The following AMZ1 variants were observed in gnomAD, a reference collection of about 807,000 sequenced individuals.
AMZ1 encodes the protein archaemetzincin-1.
In AMZ1, 39 loss-of-function variants were observed where a neutral mutation model predicts 29.9. The observed-to-expected ratio is 1.30, with a 90% CI of 1.01 to 1.70. The LOEUF is 1.70. Among genes scored for constraint, AMZ1 ranks in the 40% most tolerant of loss-of-function variants. The pLI, the probability that AMZ1 is intolerant of heterozygous loss-of-function variation, is 0.00. For missense variants in AMZ1, 1,041 were observed against 680.6 expected, an observed-to-expected ratio of 1.53 and a Z score of -5.89; for synonymous variants, 458 against 304.0, an observed-to-expected ratio of 1.51 and a Z score of -5.27.
At chr7:2,705,289 G>T (rs1277754560) in intron 3 of AMZ1, among the ~76,000 whole-genome samples, 1 of 152,088 alleles carries the variant, frequency 6.6e-6, no homozygotes, top group Non-Finnish European at 1.5e-5. Flanking sequence ...GCATGTCAGG[G>T]TCATCCTGCC....
intron 4 of AMZ1, among the ~76,000 whole-genome samples, chr7:2,732,095 C>T (rs1195726806): frequency 6.6e-6 from 1 of 152,194 alleles, no homozygotes; most frequent in African/African-American, 2.4e-5. Flanking sequence ...TTTCTAACTC[C>T]TAAAGCTTAT....
At chr7:2,737,252 A>G (rs1790229752) in intron 4 of AMZ1, among the ~76,000 whole-genome samples, 1 of 131,724 alleles carries the variant, frequency 7.6e-6, no homozygotes, top group Admixed American at 8.1e-5. Context: ...CCCATTCAGG[A>G]GCTATCTCAC....
intron 4 of AMZ1, among the ~76,000 whole-genome samples, chr7:2,751,566 G>T (rs1367524474): frequency 6.6e-6 from 1 of 151,982 alleles, no homozygotes; most frequent in Non-Finnish European, 1.5e-5. Context: ...TTTTGCAATA[G>T]AAACAATTAA....
rs2115210460 is a variant in AMZ1 at position 2,715,636 on chromosome 7, T to A, written c.*2758T>A. 6.6e-6 allele frequency: 1 copy of A among 152,342 alleles called. No individual in the cohort carries two copies. 9.4% of individuals were successfully genotyped at this position (152,342 alleles called of 1,614,324 possible). Reference sequence around the variant, plus strand: ...ACTTGCAGATGTCAGTGAAATTTTTTAAGACAGCTGTTAGAAGGACTGTTT... The same window carrying A: ...ACTTGCAGATGTCAGTGAAATTTTTAAAGACAGCTGTTAGAAGGACTGTTT... On this transcript the variant is annotated 3_prime_UTR_variant, in exon 7 of 7. Coordinates refer to ENST00000683327, the MANE Select transcript of AMZ1 (RefSeq NM_001384743.1).
chr7:2,722,960 C>G (rs905407540), downstream of AMZ1, among the ~76,000 whole-genome samples: 1 of 151,794 alleles, frequency 6.6e-6, no homozygotes. Context: ...GCCTGGGCCA[C>G]AGAGCAAGAC....
At chr7:2,722,298 ACT>A (rs1676336489), downstream of AMZ1, among the ~76,000 whole-genome samples, 1 of 149,484 alleles carries the variant, frequency 6.7e-6, no homozygotes, top group East Asian at 2.0e-4. Flanking sequence ...TTTGAGACAG[ACT>A]CTCGCTCTCT....
At chr7:2,707,492 G>C (rs1227434433) in intron 3 of AMZ1, among the ~76,000 whole-genome samples, 1 of 152,056 alleles carries the variant, frequency 6.6e-6, no homozygotes, top group Non-Finnish European at 1.5e-5. Flanking sequence ...TCCCGGCTTT[G>C]ATGCCATCGT....
At chr7:2,738,548 A>G (rs1229744545) in intron 4 of AMZ1, among the ~76,000 whole-genome samples, 3 of 152,020 alleles carry the variant, frequency 2.0e-5, no homozygotes, top group Non-Finnish European at 4.4e-5. Context: ...GGAGACTAAA[A>G]CCCATATTCT....
chr7:2,723,274 G>A (rs968597137), downstream of AMZ1, among the ~76,000 whole-genome samples: 2 of 152,236 alleles, frequency 1.3e-5, no homozygotes, highest in African/African-American at 2.4e-5. Flanking sequence ...CACAAGAGCT[G>A]CTGGCACCTG....
chr7:2,700,279 C>G lies in AMZ1; in HGVS notation c.-173C>G, dbSNP rs1372228302. On this transcript the variant is annotated 5_prime_UTR_variant, in exon 2 of 7. Transcript: ENST00000683327. ...GCCCATGCCTGAGAGCGTCCAGGAC[C>G]AGGCAGAGCTGGGCCTTAAGGGCCC... 2.8e-6 allele frequency: 2 copies of G among 726,358 alleles called. No homozygotes were observed. Among genetic ancestry groups the G allele is most frequent in the Non-Finnish European group, 2.2e-6 (1 of 452,798 alleles). 45.0% of individuals were successfully genotyped at this position (726,358 alleles called of 1,614,324 possible).
downstream of AMZ1, among the ~76,000 whole-genome samples, chr7:2,724,279 G>A (rs564633766): frequency 8.5e-5 from 13 of 152,348 alleles, no homozygotes; most frequent in South Asian, 4.1e-4. Context: ...GCTCACCAGC[G>A]CCGGGCAAGG....
At chr7:2,747,062 G>A (rs1034235770) in intron 4 of AMZ1, among the ~76,000 whole-genome samples, 2 of 152,178 alleles carry the variant, frequency 1.3e-5, no homozygotes, top group Non-Finnish European at 1.5e-5. Context: ...AGGAGCAGAT[G>A]GATTCAACAG....
intron 4 of AMZ1, among the ~76,000 whole-genome samples, chr7:2,753,018 C>T (rs962797974): frequency 1.3e-5 from 2 of 152,226 alleles, no homozygotes; most frequent in Non-Finnish European, 2.9e-5. Flanking sequence ...CATCCTCCTT[C>T]TTCCACCATC....
Position 2,712,721 on chromosome 7 carries a change from TCCCGGCCACCAGGCAGG to T in AMZ1, c.1341_1357del (p.Ala449ThrfsTer93). The stretch of plus-strand genomic sequence containing the variant: ...CGCTGGGAGATGTTCACGGGCCAGC[TCCCGGCCACCAGGCAGG>T]ACCCACCCAGCAGCAGGGACAGCGT... On this transcript the variant is annotated frameshift_variant, in exon 7 of 7. Coordinates refer to ENST00000683327, the MANE Select transcript of AMZ1 (RefSeq NM_001384743.1). LOFTEE classifies it low-confidence loss of function (END_TRUNC). 2 of 1,609,236 alleles carry T rather than the reference TCCCGGCCACCAGGCAGG, an allele frequency of 1.2e-6. No individual in the cohort carries two copies. The highest frequency in any genetic ancestry group is 1.7e-6 in the Non-Finnish European group (2 of 1,177,794).
chr7:2,742,537 T>C (rs1583221485), intron 4 of AMZ1, among the ~76,000 whole-genome samples: 1 of 152,216 alleles, frequency 6.6e-6, no homozygotes, highest in East Asian at 1.9e-4. Flanking sequence ...CCAGGGGCTG[T>C]AATTCATCTC....
chr7:2,722,325 T>G (rs1789458745), downstream of AMZ1, among the ~76,000 whole-genome samples: 1 of 151,322 alleles, frequency 6.6e-6, no homozygotes, highest in South Asian at 2.1e-4. Flanking sequence ...TGGGCTGGAG[T>G]GCAGTGGCGC....
chr7:2,744,724 C>T (rs1230497089), intron 4 of AMZ1, among the ~76,000 whole-genome samples: 1 of 152,068 alleles, frequency 6.6e-6, no homozygotes, highest in Non-Finnish European at 1.5e-5. Flanking sequence ...CTACTCTGAG[C>T]TACAGGAGGA....
chr7:2,721,965 G>A (rs1487917606), downstream of AMZ1, among the ~76,000 whole-genome samples: 1 of 152,240 alleles, frequency 6.6e-6, no homozygotes, highest in Non-Finnish European at 1.5e-5. Flanking sequence ...TCCGGTCACG[G>A]CATGATGGCC....
rs369398134 is a variant in AMZ1, at chr7:2,709,704, T to A, written c.836T>A (p.Met279Lys). ...AACTGCCGCTGGCTCCGCTGCCTCA[T>A]GCAGGGTGCGCTCAGCCTGGACGAG... ...LGNCRWLRCL[M>K]QGALSLDEAL... Residue 279 changes from methionine to lysine, a missense_variant, in exon 6 of 7, where the codon ATG becomes AAG. Met to Lys is a moderately conservative substitution (Grantham distance 95). Transcript: ENST00000683327. The A allele has an allele frequency of 6.2e-6, 10 of 1,610,998 alleles. No homozygotes were observed. Among genetic ancestry groups the A allele is most frequent in the African/African-American group, 1.3e-5 (1 of 74,866 alleles).
Sources: gnomAD v4.1 joint callset for allele counts (sites outside exome capture counted in the v4.1 genomes callset) on GRCh38, gnomAD v4.1.1 for gene constraint, MANE v1.5 for transcripts, NCBI Gene and HGNC (gene_info 2026-07-23, HGNC 2026-07-21) for gene names.